Variants in TRIP13 observed in about 807,000 individuals in gnomAD.
TRIP13 encodes the protein pachytene checkpoint protein 2 homolog.
A neutral mutation model predicts 54.4 loss-of-function variants in TRIP13; 25 were observed. That is an observed-to-expected ratio of 0.46 (90% CI 0.33 to 0.64). TRIP13 has a LOEUF of 0.64. TRIP13 is among the 30% of genes least tolerant of loss of function. The probability of loss-of-function intolerance (pLI) is 0.02; values close to 1 mark genes in which losing one functional copy is unlikely to be tolerated. For missense variants in TRIP13, 373 were observed against 534.2 expected (o/e 0.70, Z 2.97); for synonymous variants, 207 against 207.8 (o/e 1.00, Z 0.03).
intron 5 of TRIP13, among the ~76,000 whole-genome samples, chr5:902,720 A>G (rs918380642): frequency 6.6e-6 from 1 of 152,092 alleles, no homozygotes; most frequent in East Asian, 1.9e-4. Context: ...AGACGCGGAG[A>G]CCGGTAGTGG....
At chr5:900,379 T>C in intron 3 of TRIP13, 115 bp from the exon 4 acceptor site, 1 of 992,422 alleles carries the variant, frequency 1.0e-6, no homozygotes, top group Admixed American at 2.6e-5. Flanking sequence ...AGAATCATAG[T>C]CTTGCCTGGA....
Position 901,332 on chromosome 5 carries a change from C to T in TRIP13, c.445-9C>T. On this transcript the variant is annotated splice_polypyrimidine_tract_variant and intron_variant, in intron 4 of 12. Transcript: ENST00000166345. ...ATCTTTGTCAAGCTCTTTTCTTTTTCTCTATCAGCTCCTCGATTATGTGAT... is the reference window on the plus strand; with the variant it reads ...ATCTTTGTCAAGCTCTTTTCTTTTTTTCTATCAGCTCCTCGATTATGTGAT... 2 of 1,611,918 alleles carry T rather than the reference C, an allele frequency of 1.2e-6. No individual in the cohort carries two copies. The highest frequency in any genetic ancestry group is 1.7e-6 in the Non-Finnish European group (2 of 1,179,310).
chr5:894,640 A>T, intron 1 of TRIP13, 147 bp from the exon 2 acceptor site: 1 of 829,764 alleles, frequency 1.2e-6, no homozygotes. Context: ...GGGTGGCTCT[A>T]GATTTGGTCC....
Position 901,376 on chromosome 5 carries a change from A to G in TRIP13, c.480A>G (p.Ser160=). The G allele has an allele frequency of 6.2e-7, 1 of 1,614,168 alleles. No individual in the cohort carries two copies. Among genetic ancestry groups the G allele is most frequent in the Non-Finnish European group, 8.5e-7 (1 of 1,180,028 alleles). The change falls in exon 5 of 13, where the codon TCA becomes TCG. Residue 160 remains serine (S), a synonymous_variant. Coordinates refer to ENST00000166345, the MANE Select transcript of TRIP13 (RefSeq NM_004237.4). Reference sequence around the variant, plus strand: ...ATGTGATGACAACTTTACTGTTTTCAGACAAGAACGTCAACAGCAACCTCA... The same window carrying G: ...ATGTGATGACAACTTTACTGTTTTCGGACAAGAACGTCAACAGCAACCTCA... ...LDYVMTTLLF[S]DKNVNSNLIT...
At chr5:905,358 A>G (rs1019179821) in intron 6 of TRIP13, among the ~76,000 whole-genome samples, 1 of 152,194 alleles carries the variant, frequency 6.6e-6, no homozygotes, top group Non-Finnish European at 1.5e-5. Flanking sequence ...TCCCCTGCTC[A>G]CACACACCTG....
At chr5:914,969 G>C (rs1356531568) in intron 11 of TRIP13, among the ~76,000 whole-genome samples, 1 of 152,156 alleles carries the variant, frequency 6.6e-6, no homozygotes, top group African/African-American at 2.4e-5. Flanking sequence ...GTTCCAGCTG[G>C]AGAGAAATCA....
intron 2 of TRIP13, among the ~76,000 whole-genome samples, chr5:896,213 T>G (rs1009300305): frequency 6.6e-6 from 1 of 152,166 alleles, no homozygotes; most frequent in African/African-American, 2.4e-5. Flanking sequence ...CTCAGAAGGC[T>G]GGAGGTGGGA....
chr5:905,459 G>T (rs1277466812), intron 6 of TRIP13, among the ~76,000 whole-genome samples: 23 of 152,152 alleles, frequency 1.5e-4, no homozygotes, highest in Non-Finnish European at 5.9e-5. Context: ...CTGGAATTCT[G>T]TTCTGCAGCC....
rs1754229392 is a variant in TRIP13 at position 911,468 on chromosome 5, G to C, written c.867-375G>C. On this transcript the variant is annotated intron_variant, in intron 9 of 12. Coordinates refer to ENST00000166345, the MANE Select transcript of TRIP13 (RefSeq NM_004237.4). The surrounding 1 kb of genome is among the most constrained non-coding windows in gnomAD (Gnocchi z 4.7). The stretch of plus-strand genomic sequence containing the variant: ...CGCCTGTAGTCCCGGCTACTTGGGA[G>C]GCTGAGGCAGGAGAATGGTGTGAAC... Among the ~76,000 whole-genome samples the C allele has an allele frequency of 6.6e-6, 1 of 152,180 alleles. No homozygotes were observed. The highest frequency in any genetic ancestry group is 6.5e-5 in the Admixed American group (1 of 15,288).
At chr5:903,142 A>G (rs2150684946) in intron 5 of TRIP13, among the ~76,000 whole-genome samples, 1 of 151,676 alleles carries the variant, frequency 6.6e-6, no homozygotes, top group South Asian at 2.1e-4. Flanking sequence ...TCCCCGGGGG[A>G]AAGGGAGACT....
rs1340630424 is a variant in TRIP13, at chr5:915,790, G to A, written c.1134-114G>A. On this transcript the variant is annotated intron_variant, in intron 11 of 12. Coordinates refer to ENST00000166345, the MANE Select transcript of TRIP13 (RefSeq NM_004237.4). This position sits in a 1 kb window ranked among gnomAD's most constrained non-coding sequence, Gnocchi z 4.2. ...GAAGTGCCCTGTGAACCCAGGGTGTGCTTGGGACGCCTCGGCTTGTGTTCC... is the reference window on the plus strand; with the variant it reads ...GAAGTGCCCTGTGAACCCAGGGTGTACTTGGGACGCCTCGGCTTGTGTTCC... 4 of 1,076,608 alleles carry A rather than the reference G, an allele frequency of 3.7e-6. No individual in the cohort carries two copies. The highest frequency in any genetic ancestry group is 5.7e-6 in the Non-Finnish European group (4 of 702,654). The allele number at this position is 1,076,608 out of a possible 1,614,324, so 66.7% of individuals were successfully genotyped here.
Position 908,111 on chromosome 5 carries a change from C to G in TRIP13, c.759+37C>G. The G allele has an allele frequency of 1.2e-6, 2 of 1,608,116 alleles. No homozygotes were observed. Among genetic ancestry groups the G allele is most frequent in the Non-Finnish European group, 1.7e-6 (2 of 1,174,548 alleles). On this transcript the variant is annotated intron_variant, in intron 8 of 12. Transcript: ENST00000166345. This position sits in a 1 kb window ranked among gnomAD's most constrained non-coding sequence, Gnocchi z 5.2. ...CAGATAAGGAAATTCATGACAGAAT[C>G]GCCTTTTGCCATTGTGGGGACACAG...
chr5:911,367 C>T lies in TRIP13; in HGVS notation c.867-476C>T, dbSNP rs894412275. Among the ~76,000 whole-genome samples the T allele has an allele frequency of 6.6e-6, 1 of 151,778 alleles. No individual in the cohort carries two copies. Among genetic ancestry groups the T allele is most frequent in the African/African-American group, 2.4e-5 (1 of 41,322 alleles). ...CAGGCGGATCACGAGGTCAGGAGATCGAGACCATCCTGGCTAACACGGTGA... is the reference window on the plus strand; with the variant it reads ...CAGGCGGATCACGAGGTCAGGAGATTGAGACCATCCTGGCTAACACGGTGA... On this transcript the variant is annotated intron_variant, in intron 9 of 12. Coordinates refer to ENST00000166345, the MANE Select transcript of TRIP13 (RefSeq NM_004237.4). This position sits in a 1 kb window ranked among gnomAD's most constrained non-coding sequence, Gnocchi z 4.7.
chr5:916,953 A>G, intron 12 of TRIP13, 55 bp from the exon 13 acceptor site: 1 of 1,555,518 alleles, frequency 6.4e-7, no homozygotes, highest in South Asian at 1.1e-5. Flanking sequence ...TGGATGCCAG[A>G]TGGCCCCACC....
chr5:895,983 A>T (rs1400380712), intron 2 of TRIP13, among the ~76,000 whole-genome samples: 1 of 152,224 alleles, frequency 6.6e-6, no homozygotes, highest in Non-Finnish European at 1.5e-5. Context: ...ACCAATGTAA[A>T]CATTTCTCTG....
rs1754302935 is a variant in TRIP13, at chr5:914,499, C to T, written c.1055C>T (p.Thr352Ile). 6.2e-6 allele frequency: 10 copies of T among 1,613,484 alleles called. No homozygotes were observed. The highest frequency in any genetic ancestry group is 8.5e-6 in the Non-Finnish European group (10 of 1,179,910). The change falls in exon 11 of 13, where the codon ACC (threonine) becomes ATC (isoleucine). Residue 352 changes from threonine to isoleucine, a missense_variant. Physicochemically the swap from Thr to Ile is moderately conservative, Grantham distance 89. Around this residue, in one of 4 missense-constraint regions of TRIP13, gnomAD observed 101 missense variants for 138.5 expected, o/e 0.73. Transcript: ENST00000166345. ...QIIYPRQQLL[T>I]LRELEMIGFI... ...ATATACCCTCGCCAGCAGCTGCTGA[C>T]CCTCCGAGAGCTAGAGATGATTGGC...
intron 5 of TRIP13, 67 bp from the exon 6 acceptor site, chr5:904,081 A>G: frequency 7.2e-7 from 1 of 1,386,926 alleles, no homozygotes; most frequent in Non-Finnish European, 1.0e-6. Flanking sequence ...AATGGAAGTT[A>G]CTGTTGTTTT....
At chr5:897,391 G>C (rs1437638774) in intron 3 of TRIP13, among the ~76,000 whole-genome samples, 1 of 39,874 alleles carries the variant, frequency 2.5e-5, no homozygotes, top group Non-Finnish European at 3.8e-5. Context: ...GGCTCTGGCA[G>C]GCCAAGCCCA....
At chr5:896,509 G>A (rs1753918443) in intron 2 of TRIP13, among the ~76,000 whole-genome samples, 156 bp from the exon 3 acceptor site, 1 of 152,120 alleles carries the variant, frequency 6.6e-6, no homozygotes, top group Admixed American at 6.5e-5. Flanking sequence ...TCCTCAATCT[G>A]AAATAAAATA....
Sources: gnomAD v4.1 joint callset for allele counts (sites outside exome capture counted in the v4.1 genomes callset) on GRCh38, gnomAD v4.1.1 for gene constraint, gnomAD v4.1.1 regional missense constraint, Gnocchi (gnomAD v3.1) non-coding constraint, MANE v1.5 for transcripts, NCBI Gene and HGNC (gene_info 2026-07-23, HGNC 2026-07-21) for gene names.